The following NCOA3 variants were observed in gnomAD, a reference collection of about 807,000 sequenced individuals.
The protein encoded by NCOA3 is CBP-interacting protein.
In NCOA3, 51 loss-of-function variants were observed where a neutral mutation model predicts 158.8. The ratio of observed to expected loss-of-function variants is 0.32; its 90% CI spans 0.26 to 0.41. NCOA3 has a LOEUF of 0.41. NCOA3 is among the 10% of genes least tolerant of loss of function. The pLI, the probability that NCOA3 is intolerant of heterozygous loss-of-function variation, is 1.00. For synonymous variants in NCOA3, 537 were observed against 592.4 expected, an observed-to-expected ratio of 0.91 and a Z score of 1.36; for missense variants, 1,510 against 1,746.6, an observed-to-expected ratio of 0.86 and a Z score of 2.41.
chr20:47,525,557 G>A (rs1425800788), intron 1 of NCOA3, among the ~76,000 whole-genome samples: 3 of 120,724 alleles, frequency 2.5e-5, no homozygotes, highest in African/African-American at 9.2e-5. Context: ...CTGGCCGGAC[G>A]GGGGGCTGAC....
intron 1 of NCOA3, among the ~76,000 whole-genome samples, 181 bp downstream of exon 1, chr20:47,502,200 C>T (rs2083943318): frequency 1.3e-5 from 2 of 151,594 alleles, no homozygotes; most frequent in Admixed American, 1.3e-4. Context: ...CGCGCCGCTT[C>T]CCCTCAGCCC....
At chr20:47,517,639 C>T (rs187764579) in intron 1 of NCOA3, among the ~76,000 whole-genome samples, 2 of 151,826 alleles carry the variant, frequency 1.3e-5, no homozygotes, top group Admixed American at 6.6e-5. Flanking sequence ...TTAGTAGAGA[C>T]GGGTTTTTGC....
chr20:47,522,471 C>T (rs184015033), intron 1 of NCOA3, among the ~76,000 whole-genome samples: 29 of 144,040 alleles, frequency 2.0e-4, no homozygotes, highest in African/African-American at 6.8e-4. Context: ...AGGGAGAAGA[C>T]GGAAGAAGCT....
chr20:47,616,554 T>A (rs2086143134), intron 2 of NCOA3, among the ~76,000 whole-genome samples: 1 of 152,214 alleles, frequency 6.6e-6, no homozygotes, highest in African/African-American at 2.4e-5. Context: ...TAGTGTAGCA[T>A]ACAACTTTTT....
At chr20:47,601,950 G>A (rs2085871782) in intron 2 of NCOA3, among the ~76,000 whole-genome samples, 1 of 152,178 alleles carries the variant, frequency 6.6e-6, no homozygotes, top group South Asian at 2.1e-4. Context: ...TGAAAGCTTT[G>A]CATGTGCACA....
At chr20:47,596,260 GT>G (rs930717121) in intron 2 of NCOA3, among the ~76,000 whole-genome samples, 1 of 151,764 alleles carries the variant, frequency 6.6e-6, no homozygotes, top group African/African-American at 2.4e-5. Context: ...TAGTTTTCTT[GT>G]TTTTTTTAGC....
chr20:47,550,788 A>G (rs2084917303), intron 1 of NCOA3, among the ~76,000 whole-genome samples: 1 of 152,206 alleles, frequency 6.6e-6, no homozygotes, highest in African/African-American at 2.4e-5. Flanking sequence ...AGTGCATGTC[A>G]GTGGTGGGAG....
chr20:47,606,517 T>C (rs925006436), intron 2 of NCOA3, among the ~76,000 whole-genome samples: 2 of 152,104 alleles, frequency 1.3e-5, no homozygotes, highest in Admixed American at 6.5e-5. Context: ...GGATTGTCCA[T>C]GATGAAGCAG....
chr20:47,626,995 A>G lies in NCOA3; in HGVS notation c.358-7A>G, dbSNP rs780306438. ...ATAACAGCCTGTATTAACATATCCTATTTTAGGCATTGGATGGTTTCCTAT... is the reference window on the plus strand; with the variant it reads ...ATAACAGCCTGTATTAACATATCCTGTTTTAGGCATTGGATGGTTTCCTAT... On this transcript the variant is annotated splice_polypyrimidine_tract_variant and splice_region_variant and intron_variant, in intron 5 of 22. Transcript: ENST00000371998. 2.5e-6 allele frequency: 4 copies of G among 1,609,108 alleles called. No individual in the cohort carries two copies. The highest frequency in any genetic ancestry group is 3.3e-4 in the Middle Eastern group (2 of 5,998).
In NCOA3 at chr20:47,590,673, G is replaced by A. The variant is rs78243284; in HGVS notation, c.-20+7412G>A. ...AAAATAAAAACATTAACTGGGCATT[G>A]TGTGTCACATGCCTGTGGTCCCAGC... On this transcript the variant is annotated intron_variant, in intron 2 of 22. Coordinates refer to ENST00000371998, the MANE Select transcript of NCOA3 (RefSeq NM_181659.3). Among the ~76,000 whole-genome samples, 934 of 152,286 alleles carry A rather than the reference G, an allele frequency of 6.1e-3. 12 individuals are homozygous for A. Among genetic ancestry groups the A allele is most frequent in the African/African-American group, 0.021 (867 of 41,560 alleles).
intron 16 of NCOA3, 47 bp from the exon 17 acceptor site, chr20:47,642,166 A>G: frequency 7.2e-7 from 1 of 1,385,118 alleles, no homozygotes; most frequent in Non-Finnish European, 9.7e-7. Context: ...TATTACTCTT[A>G]GAAAAAAAAA....
rs71183262 is a variant in NCOA3 at position 47,542,009 on chromosome 20, G to GTTTTTTTGTTTTTTTT, written c.-99+39997_-99+39998insGTTTTTTTTTTTTTTT. ...ATCAAATTATTTTTTGCCCTGTAGA[G>GTTTTTTTGTTTTTTTT]TTTTTTTTTTTTTTTTTTTTTGTTG... is the stretch of plus-strand genomic sequence containing the variant. On this transcript the variant is annotated intron_variant, in intron 1 of 22. Coordinates refer to ENST00000371998, the MANE Select transcript of NCOA3 (RefSeq NM_181659.3). 5.8e-3 allele frequency among the ~76,000 whole-genome samples: 327 copies of GTTTTTTTGTTTTTTTT among 56,316 alleles called. 10 individuals are homozygous for GTTTTTTTGTTTTTTTT. The highest frequency in any genetic ancestry group is 9.6e-3 in the East Asian group (22 of 2,290). The allele number at this position is 56,316 out of a possible 152,430, so 36.9% of individuals were successfully genotyped here. A position where few individuals can be genotyped will look rare whatever the true frequency, so the allele number is the denominator to read the frequency against.
chr20:47,645,133 A>G (rs547846672), intron 17 of NCOA3, among the ~76,000 whole-genome samples: 52 of 152,214 alleles, frequency 3.4e-4, no homozygotes, highest in Non-Finnish European at 6.9e-4. Flanking sequence ...ATTATAAAAT[A>G]TAAAATTTTA....
At chr20:47,648,579 C>T (rs916672929) in intron 18 of NCOA3, among the ~76,000 whole-genome samples, 1 of 152,068 alleles carries the variant, frequency 6.6e-6, no homozygotes, top group East Asian at 1.9e-4. Context: ...CTCAGGTGAT[C>T]ATTCCACCTC....
intron 1 of NCOA3, among the ~76,000 whole-genome samples, chr20:47,507,216 G>A (rs1289324295): frequency 6.6e-6 from 1 of 152,094 alleles, no homozygotes; most frequent in Non-Finnish European, 1.5e-5. Context: ...TGTTGTACTG[G>A]GATTAGACTT....
At chr20:47,553,626 C>T (rs1568677310) in intron 1 of NCOA3, among the ~76,000 whole-genome samples, 1 of 146,970 alleles carries the variant, frequency 6.8e-6, no homozygotes, top group Non-Finnish European at 1.5e-5. Flanking sequence ...TCAATTCCCA[C>T]CTATGAGTGA....
intron 1 of NCOA3, among the ~76,000 whole-genome samples, chr20:47,553,668 G>T (rs1397724826): frequency 4.6e-5 from 7 of 150,608 alleles, no homozygotes; most frequent in African/African-American, 7.3e-5. Flanking sequence ...TTGTCCTTGC[G>T]ATAGTTTGTT....
chr20:47,506,495 A>G (rs2084033606), intron 1 of NCOA3, among the ~76,000 whole-genome samples: 1 of 152,150 alleles, frequency 6.6e-6, no homozygotes, highest in South Asian at 2.1e-4. Flanking sequence ...CAAACTGGAT[A>G]ATCTTCTTAG....
intron 1 of NCOA3, among the ~76,000 whole-genome samples, chr20:47,525,830 G>C (rs1440731230): frequency 8.2e-6 from 1 of 122,202 alleles, no homozygotes; most frequent in Non-Finnish European, 1.7e-5. Context: ...CTTCCCAGTA[G>C]GGGCGGCCGG....
Sources: allele counts gnomAD v4.1 joint callset (sites outside exome capture counted in the v4.1 genomes callset), GRCh38; gene constraint gnomAD v4.1.1; transcripts MANE v1.5; gene names NCBI Gene and HGNC (gene_info 2026-07-23, HGNC 2026-07-21).